ERI1: variants seen among roughly 807,000 people sequenced by gnomAD.
The protein encoded by ERI1 is exoribonuclease 1, also known as 3'-5' exoribonuclease 1.
A neutral mutation model predicts 39.7 loss-of-function variants in ERI1; 39 were observed. The ratio of observed to expected loss-of-function variants is 0.98; its 90% CI spans 0.76 to 1.28. ERI1 has a LOEUF of 1.28. ERI1 is among the 50% of genes most tolerant of loss of function. The pLI, the probability that ERI1 is intolerant of heterozygous loss-of-function variation, is 0.00. For synonymous variants in ERI1, 204 were observed against 149.6 expected (o/e 1.36, Z -2.65); for missense variants, 581 against 416.9 (o/e 1.39, Z -3.43).
chr8:9,067,636 C>T (rs981652622), intron 3 of ERI1, among the ~76,000 whole-genome samples: 3 of 136,262 alleles, frequency 2.2e-5, no homozygotes, highest in African/African-American at 5.3e-5. Context: ...GGCTGAGCAA[C>T]AGAGTGAGAA....
At chr8:9,007,144 G>A (rs552346270) in intron 1 of ERI1, among the ~76,000 whole-genome samples, 1 of 152,272 alleles carries the variant, frequency 6.6e-6, no homozygotes, top group East Asian at 1.9e-4. Context: ...GGAGAAAATA[G>A]AATTGAGTCA....
chr8:9,004,485 C>CTTGTTTTT (rs1815744662), intron 1 of ERI1, among the ~76,000 whole-genome samples: 1 of 78,328 alleles, frequency 1.3e-5, no homozygotes, highest in African/African-American at 5.0e-5. Context: ...TATAGTGATA[C>CTTGTTTTT]TTTTTTTTTT....
chr8:9,012,142 GT>G (rs1563313767), intron 3 of ERI1, among the ~76,000 whole-genome samples: 1 of 152,142 alleles, frequency 6.6e-6, no homozygotes, highest in African/African-American at 2.4e-5. Flanking sequence ...TTTTCAGTTG[GT>G]TTTAATATGC....
At chr8:9,029,712 T>G (rs1797449139) in intron 6 of ERI1, 80 bp from the exon 7 acceptor site, 1 of 1,530,904 alleles carries the variant, frequency 6.5e-7, no homozygotes, top group South Asian at 1.2e-5. Flanking sequence ...ATTTTCAGTT[T>G]CTTATTTTTC....
chr8:9,008,216 T>G, intron 2 of ERI1, 68 bp downstream of exon 2: 1 of 1,283,420 alleles, frequency 7.8e-7, no homozygotes, highest in Non-Finnish European at 1.1e-6. Flanking sequence ...TTGAAAACAT[T>G]GAAATATTAA....
intron 3 of ERI1, among the ~76,000 whole-genome samples, chr8:9,013,168 C>G (rs899071829): frequency 6.6e-6 from 1 of 151,924 alleles, no homozygotes; most frequent in Non-Finnish European, 1.5e-5. Context: ...GTGTGTGTCA[C>G]CACGCCCGGC....
chr8:9,092,259 T>C (rs1799730606), intron 3 of ERI1, among the ~76,000 whole-genome samples: 1 of 152,104 alleles, frequency 6.6e-6, no homozygotes, highest in South Asian at 2.1e-4. Flanking sequence ...GCCCCGCCTG[T>C]GTATGTGTTT....
intron 3 of ERI1, chr8:9,062,751 C>G (rs1462222172): frequency 6.6e-6 from 1 of 151,408 alleles, no homozygotes; most frequent in South Asian, 2.1e-4. Flanking sequence ...GAGCCTTGGG[C>G]CAGAGTTCCA....
intron 3 of ERI1, among the ~76,000 whole-genome samples, chr8:9,049,197 G>T (rs754432333): frequency 6.6e-6 from 1 of 151,488 alleles, no homozygotes; most frequent in African/African-American, 2.4e-5. Context: ...TTTGCCCGGC[G>T]TGGTGGCGGG....
At chr8:9,025,360 C>T (rs149059268) in intron 6 of ERI1, among the ~76,000 whole-genome samples, 2 of 152,190 alleles carry the variant, frequency 1.3e-5, no homozygotes, top group African/African-American at 2.4e-5. Flanking sequence ...ATGCAAGAAT[C>T]TTGTCACTTG....
intron 2 of ERI1, among the ~76,000 whole-genome samples, chr8:9,008,872 GACAT>G (rs1448678497): frequency 2.6e-5 from 4 of 152,080 alleles, no homozygotes; most frequent in Non-Finnish European, 5.9e-5. Context: ...CCTTTTTCAA[GACAT>G]CTCTGAATCA....
At chr8:9,083,627 G>T (rs1799434818) in intron 3 of ERI1, among the ~76,000 whole-genome samples, 1 of 131,258 alleles carries the variant, frequency 7.6e-6, no homozygotes, top group Admixed American at 7.5e-5. Flanking sequence ...AGTTTTGCAT[G>T]GTCCATGTTA....
chr8:9,084,283 C>T (rs189648704), intron 3 of ERI1, among the ~76,000 whole-genome samples: 68 of 152,292 alleles, frequency 4.5e-4, no homozygotes, highest in Non-Finnish European at 7.9e-4. Context: ...AATACCGCCT[C>T]ATCTATTCCA....
chr8:9,048,921 C>A (rs2117366968), intron 3 of ERI1, among the ~76,000 whole-genome samples: 1 of 152,216 alleles, frequency 6.6e-6, no homozygotes, highest in South Asian at 2.1e-4. Flanking sequence ...GCTGGGATTA[C>A]AGGCGTGAGC....
intron 3 of ERI1, among the ~76,000 whole-genome samples, chr8:9,098,556 T>C (rs1041293178): frequency 6.6e-6 from 1 of 152,024 alleles, no homozygotes; most frequent in Admixed American, 6.6e-5. Context: ...ACAGTGGGCT[T>C]TGGGGACTCC....
intron 3 of ERI1, among the ~76,000 whole-genome samples, chr8:9,040,719 A>AGT (rs1263040465): frequency 1.4e-5 from 2 of 146,342 alleles, no homozygotes; most frequent in South Asian, 4.4e-4. Flanking sequence ...TCAGTAATAT[A>AGT]GTGTGTGTGT....
intron 3 of ERI1, among the ~76,000 whole-genome samples, chr8:9,095,929 C>T (rs1042654896): frequency 3.3e-5 from 5 of 152,136 alleles, no homozygotes; most frequent in Admixed American, 2.0e-4. Context: ...CGGGAGCCCT[C>T]GCCGCCTAGC....
At chr8:9,064,766 C>T (rs1798820762) in intron 3 of ERI1, among the ~76,000 whole-genome samples, 1 of 152,124 alleles carries the variant, frequency 6.6e-6, no homozygotes, top group Non-Finnish European at 1.5e-5. Flanking sequence ...CAAGGGAGGT[C>T]CCTTGATCCG....
At chr8:9,025,375 C>G (rs1183184958) in intron 6 of ERI1, among the ~76,000 whole-genome samples, 1 of 152,184 alleles carries the variant, frequency 6.6e-6, no homozygotes, top group Non-Finnish European at 1.5e-5. Flanking sequence ...CACTTGAAGT[C>G]AAACATTTTC....
Sources: gnomAD v4.1 joint callset for allele counts (sites outside exome capture counted in the v4.1 genomes callset) on GRCh38, gnomAD v4.1.1 for gene constraint, MANE v1.5 for transcripts, NCBI Gene and HGNC (gene_info 2026-07-23, HGNC 2026-07-21) for gene names.